The following TMEM170B variants were observed in gnomAD, a reference collection of about 807,000 sequenced individuals.
The protein encoded by TMEM170B is transmembrane protein 170B.
A neutral mutation model predicts 13.0 loss-of-function variants in TMEM170B; 6 were observed. The ratio of observed to expected loss-of-function variants is 0.46; its 90% CI spans 0.25 to 0.91. TMEM170B has a LOEUF of 0.91. TMEM170B is among the 40% of genes least tolerant of loss of function. The pLI is 0.17. For synonymous variants in TMEM170B, 61 were observed against 64.9 expected, an observed-to-expected ratio of 0.94 and a Z score of 0.29; for missense variants, 138 against 165.2, an observed-to-expected ratio of 0.84 and a Z score of 0.90.
chr6:11,538,311 A>C lies in TMEM170B; in HGVS notation c.34A>C (p.Asn12His). Residue 12 changes from asparagine to histidine, a missense_variant, in exon 1 of 3, where the codon AAC becomes CAC. By Grantham distance (68) the Asn-to-His change is moderately conservative (BLOSUM62 1). Coordinates refer to ENST00000379426, the MANE Select transcript of TMEM170B (RefSeq NM_001100829.3). ...KAEGGDHSMI[N>H]LSVQQVLSLW... ...GGAGGGGGGCGACCACTCCATGATC[A>C]ACCTGTCGGTGCAGCAGGTCCTGAG... 1 of 1,487,780 alleles carries C rather than the reference A, an allele frequency of 6.7e-7. No homozygotes were observed. Among genetic ancestry groups the C allele is most frequent in the Non-Finnish European group, 8.9e-7 (1 of 1,125,542 alleles). The allele number at this position is 1,487,780 out of a possible 1,614,324, so 92.2% of individuals were successfully genotyped here. A position where few individuals can be genotyped will look rare whatever the true frequency, so the allele number is the denominator to read the frequency against.
chr6:11,582,682 CTT>C lies in TMEM170B; in HGVS notation c.*7123_*7124del, dbSNP rs1198583510. ...TTTATACTGTAGTACAGGGCACACACTTTAACCTTTAGAAATATGTTTACCAT... is the reference window on the plus strand; with the variant it reads ...TTTATACTGTAGTACAGGGCACACACTAACCTTTAGAAATATGTTTACCAT... On this transcript the variant is annotated 3_prime_UTR_variant, in exon 3 of 3. Coordinates refer to ENST00000379426, the MANE Select transcript of TMEM170B (RefSeq NM_001100829.3). 1 of 152,110 alleles carries C rather than the reference CTT, an allele frequency of 6.6e-6. No individual in the cohort carries two copies. The highest frequency in any genetic ancestry group is 1.5e-5 in the Non-Finnish European group (1 of 68,004). 9.4% of individuals were successfully genotyped at this position (152,110 alleles called of 1,614,324 possible).
Position 11,538,394 on chromosome 6 carries a change from T to C in TMEM170B, c.97+20T>C, listed in dbSNP as rs562768771. The C allele has an allele frequency of 3.0e-4, 442 of 1,490,916 alleles. No individual in the cohort carries two copies. Among genetic ancestry groups the C allele is most frequent in the Non-Finnish European group, 3.7e-4 (419 of 1,119,328 alleles). 92.4% of individuals were successfully genotyped at this position (1,490,916 alleles called of 1,614,324 possible). A position where few individuals can be genotyped will look rare whatever the true frequency, so the allele number is the denominator to read the frequency against. ...TCACGGGTAATTGACGCGCCTGGGC[T>C]GGGGACGGGGATGCGGTCCGCCCCT... On this transcript the variant is annotated intron_variant, in intron 1 of 2. Transcript: ENST00000379426.
In TMEM170B at chr6:11,577,013, A is replaced by C. The variant is rs1442076552; in HGVS notation, c.*1452A>C. On this transcript the variant is annotated 3_prime_UTR_variant, in exon 3 of 3. Transcript: ENST00000379426. ...CAATTATAATGTGCTAACTCAAAGG[A>C]GACATTGCAGAGAATATGAAGTTAA... The C allele has an allele frequency of 1.3e-5, 2 of 152,104 alleles. No individual in the cohort carries two copies. The highest frequency in any genetic ancestry group is 2.9e-5 in the Non-Finnish European group (2 of 67,960). The allele number at this position is 152,104 out of a possible 1,614,324, so 9.4% of individuals were successfully genotyped here.
rs1759723929 is a variant in TMEM170B at position 11,565,702 on chromosome 6, C to G, written c.134C>G (p.Ser45Cys). Residue 45 changes from serine (S) to cysteine (C), a missense_variant, in exon 2 of 3, where the codon TCT becomes TGT. Transcript: ENST00000379426. Reference protein sequence around the residue: ...WYWIFLWALFSSLFVHGAAGV... With the variant: ...WYWIFLWALFCSLFVHGAAGV... Reference sequence around the variant, plus strand: ...TGGATCTTCCTCTGGGCTCTCTTCTCTTCTCTGTTTGTCCATGGTGCTGCA... The same window carrying G: ...TGGATCTTCCTCTGGGCTCTCTTCTGTTCTCTGTTTGTCCATGGTGCTGCA... 2 of 1,614,040 alleles carry G rather than the reference C, an allele frequency of 1.2e-6. No individual in the cohort carries two copies. Among genetic ancestry groups the G allele is most frequent in the Admixed American group, 1.7e-5 (1 of 59,998 alleles).
rs536257056 is a variant in TMEM170B, at chr6:11,583,413, C to T, written c.*7852C>T. The T allele has an allele frequency of 6.6e-6, 1 of 152,220 alleles. No homozygotes were observed. The highest frequency in any genetic ancestry group is 1.5e-5 in the Non-Finnish European group (1 of 68,012). The allele number at this position is 152,220 out of a possible 1,614,324, so 9.4% of individuals were successfully genotyped here. A position where few individuals can be genotyped will look rare whatever the true frequency, so the allele number is the denominator to read the frequency against. ...AAAAGTGAATCCAGCACTTAAATGT[C>T]ATTACACAGAATTTATTGGATTAAA... On this transcript the variant is annotated 3_prime_UTR_variant, in exon 3 of 3. Coordinates refer to ENST00000379426, the MANE Select transcript of TMEM170B (RefSeq NM_001100829.3).
In TMEM170B at chr6:11,558,139, A is replaced by T. The variant is rs534077631; in HGVS notation, c.98-7527A>T. On this transcript the variant is annotated intron_variant, in intron 1 of 2. Coordinates refer to ENST00000379426, the MANE Select transcript of TMEM170B (RefSeq NM_001100829.3). Reference sequence around the variant, plus strand: ...TCTCCATCCATTCCCACTTTTCCATATCTACCACAGTAATCTTTTTAAAAG... The same window carrying T: ...TCTCCATCCATTCCCACTTTTCCATTTCTACCACAGTAATCTTTTTAAAAG... Among the ~76,000 whole-genome samples the T allele has an allele frequency of 2.6e-5, 4 of 152,282 alleles. No homozygotes were observed. The East Asian group carries it at 7.7e-4, about 29-fold the overall frequency.
intron 1 of TMEM170B, among the ~76,000 whole-genome samples, chr6:11,548,347 A>C (rs1382635525): frequency 6.6e-6 from 1 of 152,236 alleles, no homozygotes; most frequent in Non-Finnish European, 1.5e-5. Flanking sequence ...GCTGGCCATC[A>C]GAGAAATGCA....
At chr6:11,544,694 C>A (rs1759407562) in intron 1 of TMEM170B, among the ~76,000 whole-genome samples, 1 of 152,204 alleles carries the variant, frequency 6.6e-6, no homozygotes, top group Admixed American at 6.5e-5. Context: ...GTATCTGTCA[C>A]TTAATAACCA....
intron 1 of TMEM170B, among the ~76,000 whole-genome samples, chr6:11,563,119 C>G (rs1458152230): frequency 6.6e-6 from 1 of 152,088 alleles, no homozygotes; most frequent in African/African-American, 2.4e-5. Flanking sequence ...GGCAGATCAC[C>G]TGAGGTCGGG....
At chr6:11,562,580 A>G (rs1759681890) in intron 1 of TMEM170B, among the ~76,000 whole-genome samples, 1 of 152,054 alleles carries the variant, frequency 6.6e-6, no homozygotes. Context: ...TCGTTTTTTA[A>G]GATTAAACTT....
At chr6:11,567,726 G>A (rs1464182138) in intron 2 of TMEM170B, among the ~76,000 whole-genome samples, 2 of 152,120 alleles carry the variant, frequency 1.3e-5, no homozygotes. Flanking sequence ...TCATAGACGG[G>A]GTTTTAAACA....
intron 2 of TMEM170B, among the ~76,000 whole-genome samples, chr6:11,570,362 C>A (rs977204734): frequency 6.6e-6 from 1 of 151,930 alleles, no homozygotes; most frequent in Non-Finnish European, 1.5e-5. Context: ...TAACAAAAAA[C>A]TGGTTCTTTG....
chr6:11,575,859 C>T lies in TMEM170B; in HGVS notation c.*298C>T, dbSNP rs897410488. On this transcript the variant is annotated 3_prime_UTR_variant, in exon 3 of 3. Coordinates refer to ENST00000379426, the MANE Select transcript of TMEM170B (RefSeq NM_001100829.3). This position sits in a 1 kb window ranked among gnomAD's most constrained non-coding sequence, Gnocchi z 4.1. The stretch of plus-strand genomic sequence containing the variant: ...AGGTTAACATTGGTGTTGAAATCAT[C>T]GTTCCTAACAGTGTTATGTTAAGTT... The T allele has an allele frequency of 1.8e-5, 4 of 222,636 alleles. No homozygotes were observed. The highest frequency in any genetic ancestry group is 9.8e-5 in the South Asian group (1 of 10,172). 13.8% of individuals were successfully genotyped at this position (222,636 alleles called of 1,614,324 possible). A position where few individuals can be genotyped will look rare whatever the true frequency, so the allele number is the denominator to read the frequency against.
At chr6:11,544,947 A>ATGT (rs1040683499) in intron 1 of TMEM170B, among the ~76,000 whole-genome samples, 16 of 151,082 alleles carry the variant, frequency 1.1e-4, no homozygotes, top group African/African-American at 3.9e-4. Flanking sequence ...CTACAATTAA[A>ATGT]TGTTTTTTTT....
At chr6:11,559,076 G>C (rs989745242) in intron 1 of TMEM170B, among the ~76,000 whole-genome samples, 10 of 152,092 alleles carry the variant, frequency 6.6e-5, no homozygotes, top group African/African-American at 2.4e-4. Context: ...CTTGAAAGTA[G>C]TCATAGACTA....
chr6:11,559,767 C>T (rs1284073315), intron 1 of TMEM170B, among the ~76,000 whole-genome samples: 5 of 152,014 alleles, frequency 3.3e-5, no homozygotes, highest in East Asian at 1.9e-4. Flanking sequence ...CCAATTTGGA[C>T]ACAGATTATT....
intron 1 of TMEM170B, among the ~76,000 whole-genome samples, chr6:11,562,329 T>C (rs1033225013): frequency 6.6e-6 from 1 of 151,580 alleles, no homozygotes; most frequent in African/African-American, 2.4e-5. Context: ...TCTGAAATAC[T>C]GTTTCCCTGA....
intron 1 of TMEM170B, among the ~76,000 whole-genome samples, chr6:11,548,840 G>A (rs577979772): frequency 2.0e-5 from 3 of 151,396 alleles, no homozygotes; most frequent in Non-Finnish European, 4.4e-5. Flanking sequence ...ACCAAAGATC[G>A]CGTGCTCTCA....
intron 1 of TMEM170B, among the ~76,000 whole-genome samples, chr6:11,563,025 A>G (rs1759689770): frequency 6.6e-6 from 1 of 152,176 alleles, no homozygotes; most frequent in African/African-American, 2.4e-5. Context: ...AAATTGGTAA[A>G]AACATAACTG....
Sources: allele counts gnomAD v4.1 joint callset (sites outside exome capture counted in the v4.1 genomes callset), GRCh38; gene constraint gnomAD v4.1.1; non-coding constraint Gnocchi (gnomAD v3.1); transcripts MANE v1.5; gene names NCBI Gene and HGNC (gene_info 2026-07-23, HGNC 2026-07-21).